Variants in RAD23B observed in about 807,000 individuals in gnomAD.
RAD23B encodes the protein RAD23 nucleotide excision repair protein B, also known as lysine-specific demethylase RAD23B.
Under a neutral mutation model 49.1 loss-of-function variants are expected in RAD23B, and 5 were observed. The ratio of observed to expected loss-of-function variants is 0.10; its 90% CI spans 0.05 to 0.21. The LOEUF (loss-of-function observed/expected upper bound fraction) is 0.21, where lower values mean the gene tolerates loss of function less well. RAD23B is among the 10% of genes least tolerant of loss of function. The probability of loss-of-function intolerance (pLI) is 1.00; values close to 1 mark genes in which losing one functional copy is unlikely to be tolerated. For synonymous variants in RAD23B, 184 were observed against 165.4 expected (o/e 1.11, Z -0.86); for missense variants, 356 against 486.7 (o/e 0.73, Z 2.53).
intron 1 of RAD23B, among the ~76,000 whole-genome samples, chr9:107,293,960 A>T (rs552857202): frequency 3.3e-5 from 5 of 152,212 alleles, no homozygotes; most frequent in South Asian, 2.1e-4. Flanking sequence ...AATTAAAAAA[A>T]TTTTTTTGGA....
At chr9:107,298,460 G>A (rs907664386) in intron 1 of RAD23B, among the ~76,000 whole-genome samples, 8 of 136,154 alleles carry the variant, frequency 5.9e-5, no homozygotes, top group Non-Finnish European at 7.7e-5. Flanking sequence ...GGCATTTACC[G>A]CCATGCTTGG....
At chr9:107,301,537 C>T (rs1826653388) in intron 2 of RAD23B, among the ~76,000 whole-genome samples, 1 of 151,930 alleles carries the variant, frequency 6.6e-6, no homozygotes, top group African/African-American at 2.4e-5. Flanking sequence ...AATGCTTATG[C>T]TTTTTAGTTT....
chr9:107,321,419 G>A (rs1397141143), intron 6 of RAD23B, among the ~76,000 whole-genome samples: 1 of 152,134 alleles, frequency 6.6e-6, no homozygotes, highest in African/African-American at 2.4e-5. Flanking sequence ...CCTGGCCACT[G>A]TGTACCTGGT....
In RAD23B at chr9:107,324,902, A is replaced by G; in HGVS notation, c.1014A>G (p.Gln338=). 2 of 1,613,164 alleles carry G rather than the reference A, an allele frequency of 1.2e-6. No homozygotes were observed. The highest frequency in any genetic ancestry group is 2.2e-5 in the South Asian group (2 of 90,996). Residue 338 remains glutamine, a synonymous_variant, in exon 9 of 10, where the codon CAA becomes CAG. Transcript: ENST00000358015. The part of the protein sequence containing the change: ...LNEPVQEAGG[Q]GGGGGGGSGG... ...AACCAGTTCAAGAAGCTGGTGGTCA[A>G]GGAGGAGGAGGTGGAGGTGGCAGTG...
intron 9 of RAD23B, among the ~76,000 whole-genome samples, chr9:107,327,182 G>A (rs1284799408): frequency 6.6e-6 from 1 of 151,994 alleles, no homozygotes; most frequent in Non-Finnish European, 1.5e-5. Context: ...TCATTTTGTG[G>A]TGGTTGTTGT....
chr9:107,327,844 A>G (rs888264708), intron 9 of RAD23B, among the ~76,000 whole-genome samples: 1 of 152,128 alleles, frequency 6.6e-6, no homozygotes, highest in South Asian at 2.1e-4. Context: ...TTAATTGCCA[A>G]TTTCTACCTT....
intron 3 of RAD23B, among the ~76,000 whole-genome samples, chr9:107,302,892 G>A (rs1435765219): frequency 3.3e-5 from 5 of 152,008 alleles, no homozygotes; most frequent in African/African-American, 9.7e-5. Flanking sequence ...TCCTGACCTC[G>A]TGATCCGCCC....
chr9:107,284,803 C>G (rs1240637992), intron 1 of RAD23B: 2 of 1,199,234 alleles, frequency 1.7e-6, no homozygotes, highest in African/African-American at 1.6e-5. Flanking sequence ...GACCTGAGTT[C>G]CATTTGTGGT....
chr9:107,311,746 C>G lies in RAD23B; in HGVS notation c.553+9C>G. The G allele has an allele frequency of 1.3e-6, 2 of 1,560,236 alleles. No homozygotes were observed. The highest frequency in any genetic ancestry group is 1.2e-5 in the South Asian group (1 of 81,940). On this transcript the variant is annotated intron_variant, in intron 5 of 9. Transcript: ENST00000358015. ...TGCAACGAGTGCACTTGGTAAGTAT[C>G]TGCTTTTCCTTATAAATAACCTATA...
intron 1 of RAD23B, among the ~76,000 whole-genome samples, chr9:107,296,529 A>G (rs1826523992): frequency 6.6e-6 from 1 of 151,236 alleles, no homozygotes; most frequent in Admixed American, 6.6e-5. Flanking sequence ...CAATTTTTTT[A>G]TTAGTGCAAA....
At chr9:107,294,377 G>C (rs146770426) in intron 1 of RAD23B, among the ~76,000 whole-genome samples, 10 of 152,158 alleles carry the variant, frequency 6.6e-5, no homozygotes, top group Admixed American at 6.5e-4. Context: ...CACAATGAAA[G>C]TTCTAGCCTT....
chr9:107,298,424 C>T (rs1311453871), intron 1 of RAD23B, among the ~76,000 whole-genome samples: 2 of 150,066 alleles, frequency 1.3e-5, no homozygotes, highest in African/African-American at 2.5e-5. Context: ...TCTTGTACCT[C>T]GTCCTCCCAA....
At chr9:107,292,548 C>G (rs533194431) in intron 1 of RAD23B, among the ~76,000 whole-genome samples, 1 of 151,956 alleles carries the variant, frequency 6.6e-6, no homozygotes, top group Non-Finnish European at 1.5e-5. Context: ...GGTGTGGTGG[C>G]GTGCACCTGT....
chr9:107,323,862 T>C, intron 7 of RAD23B, 28 bp from the exon 8 acceptor site: 1 of 1,561,852 alleles, frequency 6.4e-7, no homozygotes, highest in South Asian at 1.1e-5. Context: ...TTACTGCTTT[T>C]GTTTAGAAAT....
intron 3 of RAD23B, among the ~76,000 whole-genome samples, chr9:107,303,188 A>T (rs1420163621): frequency 2.0e-5 from 3 of 152,130 alleles, no homozygotes; most frequent in Non-Finnish European, 4.4e-5. Flanking sequence ...TCTGAGAAAG[A>T]ACAGTGTTAC....
At chr9:107,329,449 C>A in intron 9 of RAD23B, 94 bp from the exon 10 acceptor site, 1 of 762,232 alleles carries the variant, frequency 1.3e-6, no homozygotes, top group South Asian at 2.0e-5. Context: ...AATGATTTAT[C>A]TTTAGTGCTA....
Position 107,306,420 on chromosome 9 carries a change from G to C in RAD23B, c.270G>C (p.Gln90His). ...CACCAGCACCAGCTACAACTCAGCA[G>C]TCAGCTCCTGCCAGCACTACAGCAG... ...VSTPAPATTQ[Q>H]SAPASTTAVT... The change falls in exon 4 of 10, where the codon CAG becomes CAC. Residue 90 changes from glutamine to histidine, a missense_variant. Gln to His is a conservative substitution (Grantham distance 24). Coordinates refer to ENST00000358015, the MANE Select transcript of RAD23B (RefSeq NM_002874.5). 2 of 1,614,176 alleles carry C rather than the reference G, an allele frequency of 1.2e-6. No homozygotes were observed.
Position 107,331,371 on chromosome 9 carries a change from C to T in RAD23B, c.*1715C>T, listed in dbSNP as rs929728949. ...TACAAAAAATAGCCAGGCATGGTGG[C>T]GCACGCCTGTGGTCCCAGCTACTTG... On this transcript the variant is annotated 3_prime_UTR_variant, in exon 10 of 10. Coordinates refer to ENST00000358015, the MANE Select transcript of RAD23B (RefSeq NM_002874.5). 3.0e-5 allele frequency: 8 copies of T among 267,284 alleles called. No homozygotes were observed. The highest frequency in any genetic ancestry group is 1.0e-4 in the Admixed American group (2 of 19,286). The allele number at this position is 267,284 out of a possible 1,614,324, so 16.6% of individuals were successfully genotyped here.
In RAD23B at chr9:107,283,661, A is replaced by G. The variant is rs1264249597; in HGVS notation, c.32A>G (p.Gln11Arg). ...GTCACCCTGAAGACCCTCCAGCAGCAGACCTTCAAGATAGACATTGACCCC... is the reference window on the plus strand; with the variant it reads ...GTCACCCTGAAGACCCTCCAGCAGCGGACCTTCAAGATAGACATTGACCCC... MQVTLKTLQQQTFKIDIDPEE... is the reference protein window; with the variant it reads MQVTLKTLQQRTFKIDIDPEE... The change falls in exon 1 of 10, where the codon CAG (glutamine) becomes CGG (arginine). Residue 11 changes from glutamine (Q) to arginine (R), a missense_variant. Physicochemically the swap from Gln to Arg is conservative, Grantham distance 43. This residue lies in a region of RAD23B where 31 missense variants were observed against 23.5 expected (regional missense o/e 1.32). Coordinates refer to ENST00000358015, the MANE Select transcript of RAD23B (RefSeq NM_002874.5). The G allele has an allele frequency of 5.4e-6, 8 of 1,484,732 alleles. No individual in the cohort carries two copies. Among genetic ancestry groups the G allele is most frequent in the Non-Finnish European group, 7.2e-6 (8 of 1,115,526 alleles). The allele number at this position is 1,484,732 out of a possible 1,614,324, so 92.0% of individuals were successfully genotyped here.
Sources: allele counts gnomAD v4.1 joint callset (sites outside exome capture counted in the v4.1 genomes callset), GRCh38; gene constraint gnomAD v4.1.1; regional missense constraint gnomAD v4.1.1; transcripts MANE v1.5; gene names NCBI Gene and HGNC (gene_info 2026-07-23, HGNC 2026-07-21).